The following SERPINI1 variants were observed in gnomAD, a reference collection of about 807,000 sequenced individuals.
The protein encoded by SERPINI1 is neuroserpin.
Under a neutral mutation model 41.1 loss-of-function variants are expected in SERPINI1, and 19 were observed. That is an observed-to-expected ratio of 0.46 (90% confidence interval 0.32 to 0.68). The LOEUF is 0.68. SERPINI1 is among the 30% of genes least tolerant of loss of function. The probability of loss-of-function intolerance (pLI) is 0.03; values close to 1 mark genes in which losing one functional copy is unlikely to be tolerated. For synonymous variants in SERPINI1, 138 were observed against 156.6 expected (o/e 0.88, Z 0.89); for missense variants, 460 against 479.2 (o/e 0.96, Z 0.37).
At chr3:167,770,462 T>C (rs1726712634) in intron 1 of SERPINI1, among the ~76,000 whole-genome samples, 1 of 152,140 alleles carries the variant, frequency 6.6e-6, no homozygotes, top group African/African-American at 2.4e-5. Context: ...ATTTTAATTA[T>C]TGTAGCTTTT....
At chr3:167,808,287 G>GT (rs1491096133) in intron 6 of SERPINI1, among the ~76,000 whole-genome samples, 1 of 123,022 alleles carries the variant, frequency 8.1e-6, no homozygotes, top group African/African-American at 3.7e-5. Flanking sequence ...TTTTTTCAGA[G>GT]TAAAAAAAAA....
intron 6 of SERPINI1, among the ~76,000 whole-genome samples, chr3:167,818,549 T>A (rs1158283599): frequency 6.6e-6 from 1 of 152,220 alleles, no homozygotes; most frequent in African/African-American, 2.4e-5. Context: ...ATTGTTTATT[T>A]GGACAATCTC....
intron 1 of SERPINI1, among the ~76,000 whole-genome samples, chr3:167,776,190 CT>C (rs139058059): frequency 6.6e-6 from 1 of 152,326 alleles, no homozygotes; most frequent in African/African-American, 2.4e-5. Flanking sequence ...TTGATGATGA[CT>C]TTTTACCCGT....
intron 6 of SERPINI1, among the ~76,000 whole-genome samples, chr3:167,815,595 G>A (rs1280607896): frequency 2.6e-5 from 4 of 151,996 alleles, no homozygotes; most frequent in African/African-American, 9.7e-5. Context: ...TCACCATGTG[G>A]GCCAGGCTGC....
chr3:167,818,759 G>T (rs1210970044), intron 6 of SERPINI1, among the ~76,000 whole-genome samples: 3 of 152,116 alleles, frequency 2.0e-5, no homozygotes, highest in African/African-American at 7.2e-5. Flanking sequence ...GGTGACTAGA[G>T]GATATTACAA....
At position 167,789,096 on chromosome 3, in the gene SERPINI1, A is replaced by G. The variant is rs761980155; in HGVS notation, c.-18-15A>G. The G allele has an allele frequency of 6.2e-7, 1 of 1,610,372 alleles. No homozygotes were observed. The highest frequency in any genetic ancestry group is 8.5e-7 in the Non-Finnish European group (1 of 1,178,808). On this transcript the variant is annotated splice_polypyrimidine_tract_variant and intron_variant, in intron 1 of 8. Transcript: ENST00000446050. ...GAGATAACTAATAATTAATATGTAA[A>G]TTGTTGTTTTTTAGGCTTGAAACTG...
At chr3:167,768,051 A>G (rs991591137) in intron 1 of SERPINI1, among the ~76,000 whole-genome samples, 2 of 152,224 alleles carry the variant, frequency 1.3e-5, no homozygotes, top group African/African-American at 2.4e-5. Context: ...AAGTTCTACT[A>G]TGGGTAAAAT....
chr3:167,765,276 T>G (rs1354028867), intron 1 of SERPINI1, among the ~76,000 whole-genome samples: 2 of 152,262 alleles, frequency 1.3e-5, no homozygotes, highest in Admixed American at 6.5e-5. Context: ...ATCAGGCGTT[T>G]GCATACATCT....
chr3:167,803,600 G>A (rs1711522149), intron 5 of SERPINI1, among the ~76,000 whole-genome samples: 1 of 152,108 alleles, frequency 6.6e-6, no homozygotes, highest in Non-Finnish European at 1.5e-5. Flanking sequence ...CCAAAACTGA[G>A]CCTCAGAAAT....
In SERPINI1 at chr3:167,751,536, G is replaced by A. The variant is rs147124835; in HGVS notation, c.-19+15713G>A. Among the ~76,000 whole-genome samples the A allele has an allele frequency of 4.1e-3, 629 of 152,260 alleles. 2 individuals are homozygous for A. The highest frequency in any genetic ancestry group is 0.014 in the African/African-American group (576 of 41,552). On this transcript the variant is annotated intron_variant, in intron 1 of 8. Transcript: ENST00000446050. Reference sequence around the variant, plus strand: ...TGTTTTCTCCACATGGAAAGGAATAGGAAATAAGAGATTTTTCTTAAGCCA... The same window carrying A: ...TGTTTTCTCCACATGGAAAGGAATAAGAAATAAGAGATTTTTCTTAAGCCA...
chr3:167,823,894 A>G (rs984352683), intron 7 of SERPINI1, among the ~76,000 whole-genome samples: 1 of 152,182 alleles, frequency 6.6e-6, no homozygotes, highest in Non-Finnish European at 1.5e-5. Context: ...ATATCATCTT[A>G]TAATGAGGAT....
At chr3:167,798,929 C>A (rs1307427347) in intron 5 of SERPINI1, among the ~76,000 whole-genome samples, 1 of 152,130 alleles carries the variant, frequency 6.6e-6, no homozygotes, top group Admixed American at 6.6e-5. Context: ...TCCTAAACCT[C>A]AGCAATATGC....
chr3:167,793,716 G>GCACTC (rs1021799637), intron 4 of SERPINI1, among the ~76,000 whole-genome samples: 1 of 151,112 alleles, frequency 6.6e-6, no homozygotes, highest in African/African-American at 2.4e-5. Flanking sequence ...TCACACCACC[G>GCACTC]CACTCCAGCT....
At chr3:167,752,937 C>G (rs1396188777) in intron 1 of SERPINI1, among the ~76,000 whole-genome samples, 1 of 152,056 alleles carries the variant, frequency 6.6e-6, no homozygotes, top group South Asian at 2.1e-4. Flanking sequence ...TAAAATAGGT[C>G]CCTGTTATTC....
At chr3:167,799,541 C>A (rs1228278313) in intron 5 of SERPINI1, among the ~76,000 whole-genome samples, 1 of 152,120 alleles carries the variant, frequency 6.6e-6, no homozygotes, top group Non-Finnish European at 1.5e-5. Flanking sequence ...GATTTATAAT[C>A]CTTTGGGTAT....
chr3:167,775,746 T>C (rs13096396), intron 1 of SERPINI1, among the ~76,000 whole-genome samples: 19,522 of 152,184 alleles, frequency 0.13, 1,516 homozygotes, highest in African/African-American at 0.21. Context: ...CTGTTTTTTC[T>C]GTATCCCTAG....
At chr3:167,753,737 A>G (rs1726114017) in intron 1 of SERPINI1, among the ~76,000 whole-genome samples, 1 of 152,230 alleles carries the variant, frequency 6.6e-6, no homozygotes, top group African/African-American at 2.4e-5. Flanking sequence ...AAATATGTCT[A>G]AATCTTGCCT....
At chr3:167,748,644 G>A (rs1258319183) in intron 1 of SERPINI1, among the ~76,000 whole-genome samples, 3 of 152,160 alleles carry the variant, frequency 2.0e-5, no homozygotes, top group Non-Finnish European at 4.4e-5. Context: ...TGATGATGCG[G>A]ATTTGAGGGA....
At chr3:167,747,392 C>T (rs565525815) in intron 1 of SERPINI1, among the ~76,000 whole-genome samples, 77 of 152,274 alleles carry the variant, frequency 5.1e-4, no homozygotes, top group African/African-American at 1.6e-3. Flanking sequence ...AGCCTGTAAT[C>T]CCAGCACTTT....
Sources: gnomAD v4.1 joint callset for allele counts (sites outside exome capture counted in the v4.1 genomes callset) on GRCh38, gnomAD v4.1.1 for gene constraint, MANE v1.5 for transcripts, NCBI Gene and HGNC (gene_info 2026-07-23, HGNC 2026-07-21) for gene names.